CSN1S1: variants seen among roughly 807,000 people sequenced by gnomAD.
The protein encoded by CSN1S1 is alpha-S1-casein.
Under a neutral mutation model 49.1 loss-of-function variants are expected in CSN1S1, and 63 were observed. The observed-to-expected ratio is 1.28, with a 90% CI of 1.05 to 1.58. CSN1S1 has a LOEUF of 1.58. Ranked by LOEUF, CSN1S1 falls within the 40% of genes most tolerant of loss-of-function variation. The pLI, the probability that CSN1S1 is intolerant of heterozygous loss-of-function variation, is 0.00. For synonymous variants in CSN1S1, 78 were observed against 67.1 expected (o/e 1.16, Z -0.79); for missense variants, 260 against 224.7 (o/e 1.16, Z -1.01).
At chr4:69,939,081 C>A in intron 9 of CSN1S1, 95 bp from the exon 10 acceptor site, 1 of 841,604 alleles carries the variant, frequency 1.2e-6, no homozygotes, top group Non-Finnish European at 1.9e-6. Context: ...TATAATGTTA[C>A]CATGGTAAGC....
At position 69,944,958 on chromosome 4, in the gene CSN1S1, A is replaced by G; in HGVS notation, c.511A>G (p.Thr171Ala). The G allele has an allele frequency of 6.2e-7, 1 of 1,612,706 alleles. No individual in the cohort carries two copies. The highest frequency in any genetic ancestry group is 8.5e-7 in the Non-Finnish European group (1 of 1,179,176). ...ACCGTTTTCCGACATCTCCAATCCCACTGCTCATGAAAATTATGAAAAAAA... is the reference window on the plus strand; with the variant it reads ...ACCGTTTTCCGACATCTCCAATCCCGCTGCTCATGAAAATTATGAAAAAAA... ...FPPFSDISNP[T>A]AHENYEKNNV... is the part of the protein sequence containing the mutation. Residue 171 changes from threonine (T) to alanine (A), a missense_variant, in exon 15 of 16, where the codon ACT becomes GCT. Thr to Ala is a moderately conservative substitution (Grantham distance 58, BLOSUM62 0). Transcript: ENST00000246891.
intron 1 of CSN1S1, among the ~76,000 whole-genome samples, chr4:69,931,405 G>C (rs373593004): frequency 7.9e-5 from 12 of 151,976 alleles, no homozygotes; most frequent in Middle Eastern, 3.4e-3. Flanking sequence ...CTTGGGGTAA[G>C]CTAATTTAAA....
rs897519042 is a variant in CSN1S1 at position 69,939,891 on chromosome 4, T to A, written c.277-130T>A. The A allele has an allele frequency of 7.1e-6, 4 of 563,170 alleles. No individual in the cohort carries two copies. In the Admixed American group the frequency reaches 1.1e-4, roughly 16 times the overall value. 34.9% of individuals were successfully genotyped at this position (563,170 alleles called of 1,614,324 possible). ...TCAAATTATTAATCTTGTCTCAGTT[T>A]TTTGGGAATTTATCACTAAAATCAA... is the stretch of plus-strand genomic sequence containing the variant. On this transcript the variant is annotated intron_variant, in intron 10 of 15. Coordinates refer to ENST00000246891, the MANE Select transcript of CSN1S1 (RefSeq NM_001890.2).
At chr4:69,936,189 A>C (rs1370134436) in intron 5 of CSN1S1, among the ~76,000 whole-genome samples, 1 of 152,078 alleles carries the variant, frequency 6.6e-6, no homozygotes, top group African/African-American at 2.4e-5. Flanking sequence ...TCATTTGTGA[A>C]AAATAAATTT....
intron 2 of CSN1S1, among the ~76,000 whole-genome samples, chr4:69,933,851 A>G (rs544886387): frequency 8.6e-5 from 13 of 152,030 alleles, no homozygotes; most frequent in Non-Finnish European, 1.6e-4. Flanking sequence ...AATCATCTTT[A>G]GAACTATGGT....
chr4:69,944,837 T>G lies in CSN1S1; in HGVS notation c.403-13T>G, dbSNP rs371424252. 9.3e-6 allele frequency: 15 copies of G among 1,611,130 alleles called. No homozygotes were observed. The highest frequency in any genetic ancestry group is 1.3e-5 in the Non-Finnish European group (15 of 1,178,130). On this transcript the variant is annotated splice_polypyrimidine_tract_variant and intron_variant, in intron 14 of 15. Coordinates refer to ENST00000246891, the MANE Select transcript of CSN1S1 (RefSeq NM_001890.2). ...CTCATACACTGTTGCTTTTCAAATG[T>G]TTTTCCCTCTAGCCTTTCCAGCAGC...
chr4:69,937,263 A>T lies in CSN1S1; in HGVS notation c.219+119A>T, dbSNP rs188935648. The T allele has an allele frequency of 4.0e-6, 3 of 749,488 alleles. No individual in the cohort carries two copies. In the East Asian group the frequency reaches 8.5e-5, roughly 21 times the overall value. The allele number at this position is 749,488 out of a possible 1,614,324, so 46.4% of individuals were successfully genotyped here. On this transcript the variant is annotated intron_variant, in intron 8 of 15. Coordinates refer to ENST00000246891, the MANE Select transcript of CSN1S1 (RefSeq NM_001890.2). ...TGGCAGATAACTCTAATTCAAAGAAAGAAAAGAAATAGTGTATCATACATT... is the reference window on the plus strand; with the variant it reads ...TGGCAGATAACTCTAATTCAAAGAATGAAAAGAAATAGTGTATCATACATT...
Position 69,941,045 on chromosome 4 carries a change from C to A in CSN1S1, c.327C>A (p.Tyr109Ter). 1 of 1,507,970 alleles carries A rather than the reference C, an allele frequency of 6.6e-7. No homozygotes were observed. Among genetic ancestry groups the A allele is most frequent in the Non-Finnish European group, 9.1e-7 (1 of 1,103,922 alleles). The allele number at this position is 1,507,970 out of a possible 1,614,324, so 93.4% of individuals were successfully genotyped here. The change falls in exon 12 of 16, where the codon TAC becomes TAA. Residue 109 changes from tyrosine to a stop codon, truncating the protein, a stop_gained. Transcript: ENST00000246891. LOFTEE classifies it high-confidence loss of function. ...CAEQFCRLNE[Y>*]NQLQLQAAHA... ...AACAGTTTTGTAGACTGAACGAATACAACCAACTTCAGCTGGTAATATTTT... is the reference window on the plus strand; with the variant it reads ...AACAGTTTTGTAGACTGAACGAATAAAACCAACTTCAGCTGGTAATATTTT...
At chr4:69,942,372 T>G in intron 13 of CSN1S1, 164 bp from the exon 14 acceptor site, 1 of 676,250 alleles carries the variant, frequency 1.5e-6, no homozygotes, top group Non-Finnish European at 2.5e-6. Flanking sequence ...TTTCTGACAT[T>G]AGAAAATAAA....
At chr4:69,932,907 G>T (rs17146475) in intron 2 of CSN1S1, among the ~76,000 whole-genome samples, 1 of 151,872 alleles carries the variant, frequency 6.6e-6, no homozygotes, top group Non-Finnish European at 1.5e-5. Flanking sequence ...ATAATAAATA[G>T]CAACAAACAA....
Position 69,944,711 on chromosome 4 carries a change from T to C in CSN1S1, c.403-139T>C, listed in dbSNP as rs886820822. 4 of 958,810 alleles carry C rather than the reference T, an allele frequency of 4.2e-6. No individual in the cohort carries two copies. In the African/African-American group the frequency reaches 6.6e-5, roughly 16 times the overall value. The allele number at this position is 958,810 out of a possible 1,614,324, so 59.4% of individuals were successfully genotyped here. ...GTTCACCATAGAAGATTTTGATTTA[T>C]TCTTTTCCCTCACAGAGTAATCATT... is the stretch of plus-strand genomic sequence containing the variant. On this transcript the variant is annotated intron_variant, in intron 14 of 15. Transcript: ENST00000246891.
intron 2 of CSN1S1, among the ~76,000 whole-genome samples, chr4:69,933,100 G>T (rs114587164): frequency 6.6e-6 from 1 of 151,626 alleles, no homozygotes; most frequent in African/African-American, 2.4e-5. Context: ...CCCCCAAGAA[G>T]GGATAGAAAA....
At chr4:69,940,877 A>C in intron 11 of CSN1S1, 142 bp from the exon 12 acceptor site, 1 of 471,504 alleles carries the variant, frequency 2.1e-6, no homozygotes. Flanking sequence ...TATTTGGGGT[A>C]GAAATGGCAC....
chr4:69,941,501 A>G (rs1193495520), intron 12 of CSN1S1, among the ~76,000 whole-genome samples: 2 of 151,866 alleles, frequency 1.3e-5, no homozygotes, highest in East Asian at 3.9e-4. Context: ...AACTCACATA[A>G]TCTGCTTAAC....
chr4:69,940,637 A>C (rs946885142), intron 11 of CSN1S1, among the ~76,000 whole-genome samples: 1 of 151,854 alleles, frequency 6.6e-6, no homozygotes, highest in Non-Finnish European at 1.5e-5. Context: ...AATGTTGGAT[A>C]GCATTTGAAA....
Position 69,932,594 on chromosome 4 carries a change from T to C in CSN1S1, c.39T>C (p.Ala13=). The change falls in exon 2 of 16, where the codon GCT becomes GCC. Residue 13 remains alanine, a synonymous_variant. Coordinates refer to ENST00000246891, the MANE Select transcript of CSN1S1 (RefSeq NM_001890.2). ...TTCTCACCTGTCTTGTGGCTGTTGC[T>C]CTTGCCAGGCCTGTAAGTTCAGTAG... is the stretch of plus-strand genomic sequence containing the variant. ...LLILTCLVAV[A]LARPKLPLRY... 1 of 1,600,878 alleles carries C rather than the reference T, an allele frequency of 6.2e-7. No homozygotes were observed. The highest frequency in any genetic ancestry group is 8.5e-7 in the Non-Finnish European group (1 of 1,172,358).
intron 10 of CSN1S1, among the ~76,000 whole-genome samples, 178 bp from the exon 11 acceptor site, chr4:69,939,843 G>A (rs923203759): frequency 6.6e-6 from 1 of 151,626 alleles, no homozygotes; most frequent in Admixed American, 6.6e-5. Context: ...AAAAGGAAAA[G>A]CAATGTGATT....
chr4:69,940,478 C>T (rs566980573), intron 11 of CSN1S1, among the ~76,000 whole-genome samples: 2 of 151,838 alleles, frequency 1.3e-5, no homozygotes, highest in Admixed American at 1.3e-4. Context: ...GAGTTCAACT[C>T]ATAGCTCTAC....
In CSN1S1 at chr4:69,934,259, C is replaced by T; in HGVS notation, c.84+15C>T. On this transcript the variant is annotated intron_variant, in intron 3 of 15. Coordinates refer to ENST00000246891, the MANE Select transcript of CSN1S1 (RefSeq NM_001890.2). ...AACGCCTTCAGGTAAATATTCTATT[C>T]TGCATTCCAAGAACTCACTCTAATT... 1 of 1,608,982 alleles carries T rather than the reference C, an allele frequency of 6.2e-7. No individual in the cohort carries two copies. The highest frequency in any genetic ancestry group is 8.5e-7 in the Non-Finnish European group (1 of 1,176,752).
Sources: allele counts gnomAD v4.1 joint callset (sites outside exome capture counted in the v4.1 genomes callset), GRCh38; gene constraint gnomAD v4.1.1; transcripts MANE v1.5; gene names NCBI Gene and HGNC (gene_info 2026-07-23, HGNC 2026-07-21).